RHBDD1: variants seen among roughly 807,000 people sequenced by gnomAD.
RHBDD1 encodes the protein rhomboid domain containing 1.
RHBDD1 carries 38 observed loss-of-function variants against 36.3 expected under a neutral mutation model. That is an observed-to-expected ratio of 1.05 (90% CI 0.81 to 1.37). The LOEUF (loss-of-function observed/expected upper bound fraction) is 1.37, where lower values mean the gene tolerates loss of function less well. Among genes scored for constraint, RHBDD1 ranks in the 40% most tolerant of loss-of-function variants. The probability of loss-of-function intolerance (pLI) is 0.00; values close to 1 mark genes in which losing one functional copy is unlikely to be tolerated. For synonymous variants in RHBDD1, 151 were observed against 136.5 expected, an observed-to-expected ratio of 1.11 and a Z score of -0.74; for missense variants, 393 against 377.6, an observed-to-expected ratio of 1.04 and a Z score of -0.34.
intron 8 of RHBDD1, among the ~76,000 whole-genome samples, chr2:226,979,043 C>T (rs971525271): frequency 6.6e-6 from 1 of 152,112 alleles, no homozygotes; most frequent in African/African-American, 2.4e-5. Flanking sequence ...AAGCAAAGTC[C>T]TATGATAGGC....
At chr2:226,867,404 G>A (rs1944429822) in intron 5 of RHBDD1, 86 bp downstream of exon 5, 1 of 1,365,006 alleles carries the variant, frequency 7.3e-7, no homozygotes, top group Non-Finnish European at 1.0e-6. Flanking sequence ...GTAACCAATT[G>A]TTTTTCACAG....
At chr2:226,816,397 GA>G in the RHBDD1 span, among the ~76,000 whole-genome samples, 3 of 116,274 alleles carry the variant, frequency 2.6e-5, no homozygotes, top group South Asian at 3.0e-4. Context: ...AAAAAAAAAA[GA>G]AAAAAAACAA....
At chr2:226,964,360 C>A (rs1386377438) in intron 8 of RHBDD1, among the ~76,000 whole-genome samples, 1 of 152,200 alleles carries the variant, frequency 6.6e-6, no homozygotes, top group African/African-American at 2.4e-5. Context: ...GTTAACTACT[C>A]CTTCCTTGAA....
chr2:226,897,224 A>T (rs1947167381), intron 5 of RHBDD1, among the ~76,000 whole-genome samples: 1 of 152,170 alleles, frequency 6.6e-6, no homozygotes, highest in African/African-American at 2.4e-5. Context: ...AGTGCCACTT[A>T]AATGACACCT....
intron 3 of RHBDD1, among the ~76,000 whole-genome samples, chr2:226,847,588 T>G (rs1231092104): frequency 2.0e-5 from 3 of 152,244 alleles, no homozygotes; most frequent in African/African-American, 7.2e-5. Context: ...TTAGGCAAAC[T>G]TAAGCTTTTT....
intron 3 of RHBDD1, among the ~76,000 whole-genome samples, chr2:226,853,955 C>T (rs911689344): frequency 2.7e-5 from 4 of 150,810 alleles, no homozygotes; most frequent in Admixed American, 1.3e-4. Context: ...TGGGTAGACC[C>T]GCTAATCGAT....
rs1361129437 is a variant in RHBDD1, at chr2:226,855,631, A to G, written c.-90-8973A>G. Among the ~76,000 whole-genome samples, 7 of 152,368 alleles carry G rather than the reference A, an allele frequency of 4.6e-5. No homozygotes were observed. The East Asian group carries it at 9.6e-4, about 21-fold the overall frequency. On this transcript the variant is annotated intron_variant, in intron 3 of 8. Coordinates refer to ENST00000392062, the MANE Select transcript of RHBDD1 (RefSeq NM_001167608.3). Reference sequence around the variant, plus strand: ...AGTTTCTTAATATGGTTATAACAATAAAGTGTATGAAGTTGGAGAACCATT... The same window carrying G: ...AGTTTCTTAATATGGTTATAACAATGAAGTGTATGAAGTTGGAGAACCATT...
chr2:226,951,524 T>G (rs1444730021), intron 8 of RHBDD1, among the ~76,000 whole-genome samples: 4 of 152,204 alleles, frequency 2.6e-5, no homozygotes, highest in Admixed American at 1.3e-4. Context: ...ATTAATGACT[T>G]CTTGGTCAAA....
At chr2:226,818,152 A>ATTTTTTTT in the RHBDD1 span, among the ~76,000 whole-genome samples, 6 of 86,236 alleles carry the variant, frequency 7.0e-5, no homozygotes, top group Admixed American at 1.4e-4. Context: ...TCCAAACAGT[A>ATTTTTTTT]TTTTTTTTTT....
intron 8 of RHBDD1, among the ~76,000 whole-genome samples, chr2:226,961,413 G>A (rs545149885): frequency 1.3e-5 from 2 of 151,878 alleles, no homozygotes; most frequent in Non-Finnish European, 2.9e-5. Flanking sequence ...TATAGAAATC[G>A]TTCTTTTTAC....
chr2:226,826,124 T>C, the RHBDD1 span, among the ~76,000 whole-genome samples: 1 of 152,222 alleles, frequency 6.6e-6, no homozygotes, highest in Non-Finnish European at 1.5e-5. Context: ...ATTTATCTAC[T>C]TCTTAGGAAA....
chr2:226,833,942 GAGA>G (rs981747511), upstream of RHBDD1, among the ~76,000 whole-genome samples: 138 of 152,278 alleles, frequency 9.1e-4, no homozygotes, highest in African/African-American at 3.2e-3. Flanking sequence ...TAGGACAAAA[GAGA>G]AGGTCATTTT....
chr2:226,953,501 T>C (rs1277851659), intron 8 of RHBDD1, among the ~76,000 whole-genome samples: 1 of 152,186 alleles, frequency 6.6e-6, no homozygotes, highest in African/African-American at 2.4e-5. Context: ...TGTTATGAGC[T>C]CAGAGCCACA....
At chr2:226,976,947 A>G (rs1221745898) in intron 8 of RHBDD1, among the ~76,000 whole-genome samples, 1 of 152,176 alleles carries the variant, frequency 6.6e-6, no homozygotes, top group Non-Finnish European at 1.5e-5. Flanking sequence ...TATTTCTTAG[A>G]GGCCCCAAAC....
chr2:226,941,441 A>C (rs1950659926), intron 8 of RHBDD1, among the ~76,000 whole-genome samples: 1 of 152,172 alleles, frequency 6.6e-6, no homozygotes, highest in Admixed American at 6.5e-5. Context: ...TAGGTGATGA[A>C]GTGTGAGAAA....
the RHBDD1 span, among the ~76,000 whole-genome samples, chr2:226,816,722 C>G: frequency 6.6e-6 from 1 of 152,086 alleles, no homozygotes; most frequent in Admixed American, 6.6e-5. Context: ...ATGGTAAAAC[C>G]CTGTCTCTAC....
At chr2:226,892,458 C>T (rs1347809414) in intron 5 of RHBDD1, among the ~76,000 whole-genome samples, 2 of 152,148 alleles carry the variant, frequency 1.3e-5, no homozygotes, top group African/African-American at 4.8e-5. Flanking sequence ...CATCTTTGGC[C>T]ATGTGCATAT....
chr2:226,981,064 C>T (rs1468004749), intron 8 of RHBDD1, among the ~76,000 whole-genome samples: 1 of 152,102 alleles, frequency 6.6e-6, no homozygotes, highest in Non-Finnish European at 1.5e-5. Flanking sequence ...GCTGGATGGG[C>T]TTGTTTGTAA....
chr2:226,937,656 A>G (rs1465151076), intron 8 of RHBDD1, among the ~76,000 whole-genome samples: 1 of 152,068 alleles, frequency 6.6e-6, no homozygotes, highest in Admixed American at 6.6e-5. Flanking sequence ...ATGCGTTCTC[A>G]TCATTTATCT....
Sources: allele counts gnomAD v4.1 joint callset (sites outside exome capture counted in the v4.1 genomes callset), GRCh38; gene constraint gnomAD v4.1.1; transcripts MANE v1.5; gene names NCBI Gene and HGNC (gene_info 2026-07-23, HGNC 2026-07-21).